PAK5: variants seen among roughly 807,000 people sequenced by gnomAD.
PAK5 encodes serine/threonine-protein kinase PAK 5.
In PAK5, 16 loss-of-function variants were observed where a neutral mutation model predicts 65.9. That is an observed-to-expected ratio of 0.24 (90% CI 0.16 to 0.37). The LOEUF (loss-of-function observed/expected upper bound fraction) is 0.37. Ranked by LOEUF, PAK5 falls within the 10% of genes least tolerant of loss-of-function variation. PAK5 has a pLI of 1.00. For missense variants in PAK5, 785 were observed against 903.9 expected (o/e 0.87, Z 1.69); for synonymous variants, 371 against 354.9 (o/e 1.05, Z -0.51).
intron 1 of PAK5, among the ~76,000 whole-genome samples, chr20:9,752,320 T>A (rs1330309868): frequency 6.6e-6 from 1 of 152,102 alleles, no homozygotes. Flanking sequence ...GTGGCAACTC[T>A]TAGACCTCAG....
chr20:9,828,615 C>T (rs1978466140), intron 1 of PAK5, among the ~76,000 whole-genome samples: 1 of 152,190 alleles, frequency 6.6e-6, no homozygotes, highest in Non-Finnish European at 1.5e-5. Context: ...ACACAGCTGA[C>T]AGCTAAAAAC....
chr20:9,585,912 G>T (rs1051869537), intron 3 of PAK5, among the ~76,000 whole-genome samples: 3 of 152,182 alleles, frequency 2.0e-5, no homozygotes, highest in Non-Finnish European at 2.9e-5. Flanking sequence ...AAAGTCTAGG[G>T]AAAGTTTCTG....
chr20:9,589,700 C>G (rs180805108), intron 3 of PAK5, among the ~76,000 whole-genome samples: 1 of 152,096 alleles, frequency 6.6e-6, no homozygotes, highest in African/African-American at 2.4e-5. Flanking sequence ...GATGGAGTTT[C>G]ACCTTTGTTG....
At chr20:9,728,251 T>C (rs987225635) in intron 1 of PAK5, among the ~76,000 whole-genome samples, 6 of 151,900 alleles carry the variant, frequency 3.9e-5, no homozygotes, top group African/African-American at 1.2e-4. Flanking sequence ...ACACTGAACC[T>C]GGTGGTGCTT....
chr20:9,831,086 C>T (rs1978677479), intron 1 of PAK5, among the ~76,000 whole-genome samples: 1 of 152,242 alleles, frequency 6.6e-6, no homozygotes, highest in Non-Finnish European at 1.5e-5. Context: ...CCAAGCATAG[C>T]AGCCAGTGGA....
chr20:9,589,004 C>T (rs1039056552), intron 3 of PAK5, among the ~76,000 whole-genome samples: 10 of 152,140 alleles, frequency 6.6e-5, no homozygotes, highest in Non-Finnish European at 1.3e-4. Flanking sequence ...TGAAAAAGTG[C>T]CTCTGCCCTC....
chr20:9,780,336 A>G (rs2048928931), intron 1 of PAK5, among the ~76,000 whole-genome samples: 2 of 152,076 alleles, frequency 1.3e-5, no homozygotes, highest in African/African-American at 4.8e-5. Flanking sequence ...ACCAAGGAAA[A>G]AATGTCTCAT....
At chr20:9,811,339 GTC>G (rs1471894393) in intron 1 of PAK5, among the ~76,000 whole-genome samples, 1 of 151,888 alleles carries the variant, frequency 6.6e-6, no homozygotes, top group East Asian at 1.9e-4. Flanking sequence ...CATTCTCTCT[GTC>G]TCTCTCTCTC....
Position 9,664,214 on chromosome 20 carries a change from G to T in PAK5, c.-11-19875C>A, listed in dbSNP as rs146712789. 3.5e-3 allele frequency among the ~76,000 whole-genome samples: 538 copies of T among 152,268 alleles called. 3 individuals are homozygous for T. Among genetic ancestry groups the T allele is most frequent in the African/African-American group, 0.012 (514 of 41,556 alleles). The stretch of plus-strand genomic sequence containing the variant: ...GGCTCAATTATCTCACCTGAGCAAG[G>T]CTCCATAGATCCTAACCAAGAGTGT... On this transcript the variant is annotated intron_variant, in intron 2 of 9. Coordinates refer to ENST00000353224, the MANE Select transcript of PAK5 (RefSeq NM_177990.4).
intron 1 of PAK5, among the ~76,000 whole-genome samples, chr20:9,745,987 T>C (rs1230908488): frequency 6.6e-6 from 1 of 152,104 alleles, no homozygotes; most frequent in Non-Finnish European, 1.5e-5. Flanking sequence ...AGGATATGCA[T>C]CAAAGAGAAG....
chr20:9,804,276 T>C (rs1392130755), intron 1 of PAK5, among the ~76,000 whole-genome samples: 1 of 152,208 alleles, frequency 6.6e-6, no homozygotes, highest in African/African-American at 2.4e-5. Context: ...TTTTCAAGTG[T>C]CTTTTCAAAC....
chr20:9,712,134 A>G (rs1237412468), intron 1 of PAK5, among the ~76,000 whole-genome samples: 1 of 152,184 alleles, frequency 6.6e-6, no homozygotes, highest in Non-Finnish European at 1.5e-5. Flanking sequence ...TCAGCCCTAC[A>G]CTATGGGGCC....
chr20:9,749,805 T>C (rs1035213408), intron 1 of PAK5, among the ~76,000 whole-genome samples: 11 of 152,320 alleles, frequency 7.2e-5, no homozygotes, highest in Non-Finnish European at 1.6e-4. Context: ...AAGCATCAGC[T>C]GGACTACAGT....
At chr20:9,555,880 G>T (rs924135199) in intron 7 of PAK5, among the ~76,000 whole-genome samples, 1 of 152,330 alleles carries the variant, frequency 6.6e-6, no homozygotes, top group Admixed American at 6.5e-5. Flanking sequence ...ACTCGGAGAT[G>T]AGTGATACTT....
intron 3 of PAK5, among the ~76,000 whole-genome samples, chr20:9,641,929 C>T (rs1295477700): frequency 1.3e-5 from 2 of 152,158 alleles, no homozygotes; most frequent in Admixed American, 6.5e-5. Context: ...CCAGCTGGCC[C>T]GCAAGCACCG....
At chr20:9,640,059 A>C (rs186646898) in intron 3 of PAK5, among the ~76,000 whole-genome samples, 1 of 151,546 alleles carries the variant, frequency 6.6e-6, no homozygotes, top group Non-Finnish European at 1.5e-5. Context: ...AATGTTTATT[A>C]TTTTTTTTTA....
intron 1 of PAK5, among the ~76,000 whole-genome samples, chr20:9,769,264 T>C (rs147437723): frequency 1.3e-5 from 2 of 152,336 alleles, no homozygotes; most frequent in East Asian, 3.9e-4. Flanking sequence ...TCCAGCTGTG[T>C]GGAGATGAAG....
chr20:9,698,869 T>C (rs2047903302), intron 2 of PAK5, among the ~76,000 whole-genome samples: 2 of 152,318 alleles, frequency 1.3e-5, no homozygotes, highest in South Asian at 4.1e-4. Flanking sequence ...TAATGAGATA[T>C]AACTTGATTT....
intron 3 of PAK5, among the ~76,000 whole-genome samples, chr20:9,641,662 C>CT (rs1473898963): frequency 1.3e-5 from 2 of 151,922 alleles, no homozygotes; most frequent in Admixed American, 6.6e-5. Context: ...CAGGGAGGCT[C>CT]GGCCGCACAG....
Sources: allele counts gnomAD v4.1 joint callset (sites outside exome capture counted in the v4.1 genomes callset), GRCh38; gene constraint gnomAD v4.1.1; transcripts MANE v1.5; gene names NCBI Gene and HGNC (gene_info 2026-07-23, HGNC 2026-07-21).